The following FBXL17 variants were observed in gnomAD, a reference collection of about 807,000 sequenced individuals.
FBXL17 encodes F-box/LRR-repeat protein 17.
A neutral mutation model predicts 66.2 loss-of-function variants in FBXL17; 22 were observed. The ratio of observed to expected loss-of-function variants is 0.33; its 90% CI spans 0.24 to 0.47. The LOEUF (loss-of-function observed/expected upper bound fraction) is 0.47, where lower values mean the gene tolerates loss of function less well. Ranked by LOEUF, FBXL17 falls within the 20% of genes least tolerant of loss-of-function variation. FBXL17 has a pLI of 1.00. For missense variants in FBXL17, 878 were observed against 948.2 expected, an observed-to-expected ratio of 0.93 and a Z score of 0.97; for synonymous variants, 474 against 400.5, an observed-to-expected ratio of 1.18 and a Z score of -2.19.
intron 7 of FBXL17, among the ~76,000 whole-genome samples, chr5:107,901,867 G>A (rs1471657213): frequency 6.6e-6 from 1 of 152,182 alleles, no homozygotes; most frequent in African/African-American, 2.4e-5. Context: ...CGTGAAAGTG[G>A]GGGCTGTGGT....
At chr5:108,020,527 G>C (rs1000657157) in intron 7 of FBXL17, among the ~76,000 whole-genome samples, 4 of 151,894 alleles carry the variant, frequency 2.6e-5, no homozygotes, top group African/African-American at 9.7e-5. Context: ...TAGAATGTCA[G>C]CAGATATGCC....
intron 4 of FBXL17, among the ~76,000 whole-genome samples, chr5:108,270,269 C>T (rs1048989854): frequency 6.6e-6 from 1 of 151,804 alleles, no homozygotes; most frequent in African/African-American, 2.4e-5. Flanking sequence ...GGATACCCTA[C>T]AAAAAAGTGA....
intron 6 of FBXL17, among the ~76,000 whole-genome samples, chr5:108,038,055 G>A (rs868441123): frequency 4.6e-5 from 7 of 152,068 alleles, no homozygotes; most frequent in Admixed American, 1.3e-4. Context: ...AATTTTGCAC[G>A]ACAAATGATT....
At chr5:108,029,354 A>C (rs1354689942) in intron 6 of FBXL17, among the ~76,000 whole-genome samples, 1 of 152,144 alleles carries the variant, frequency 6.6e-6, no homozygotes, top group Non-Finnish European at 1.5e-5. Flanking sequence ...AGCTTGAGGA[A>C]GGCAGGGACC....
chr5:107,962,063 A>G (rs1274858486), intron 7 of FBXL17, among the ~76,000 whole-genome samples: 1 of 152,210 alleles, frequency 6.6e-6, no homozygotes, highest in Non-Finnish European at 1.5e-5. Context: ...TCTATTGTAT[A>G]GTTCTTTGAA....
chr5:108,100,939 G>A (rs1159575942), intron 6 of FBXL17, among the ~76,000 whole-genome samples: 1 of 152,040 alleles, frequency 6.6e-6, no homozygotes, highest in African/African-American at 2.4e-5. Context: ...AAACAAAAAA[G>A]ATCAGAACAT....
At chr5:108,006,306 T>C (rs930167502) in intron 7 of FBXL17, among the ~76,000 whole-genome samples, 4 of 152,192 alleles carry the variant, frequency 2.6e-5, no homozygotes, top group African/African-American at 9.6e-5. Flanking sequence ...AGAAGACAAA[T>C]AGCGGATACA....
intron 5 of FBXL17, among the ~76,000 whole-genome samples, chr5:108,220,825 G>A (rs145437732): frequency 2.0e-5 from 3 of 152,100 alleles, no homozygotes; most frequent in African/African-American, 7.2e-5. Context: ...AAGTGGGAGA[G>A]AGAGCAAGAT....
At chr5:108,370,760 AT>A (rs1423945453) in intron 1 of FBXL17, among the ~76,000 whole-genome samples, 2 of 151,876 alleles carry the variant, frequency 1.3e-5, no homozygotes, top group Non-Finnish European at 2.9e-5. Flanking sequence ...AAAAAAAAAA[AT>A]CATGAAAGTC....
At chr5:108,091,269 C>A (rs1231428067) in intron 6 of FBXL17, among the ~76,000 whole-genome samples, 6 of 152,208 alleles carry the variant, frequency 3.9e-5, no homozygotes, top group African/African-American at 1.4e-4. Flanking sequence ...ATACCAACAA[C>A]AGTATTTAAC....
rs1748124287 is a variant in FBXL17, at chr5:107,861,640, T to G, written c.*80A>C. On this transcript the variant is annotated 3_prime_UTR_variant, in exon 9 of 9. Coordinates refer to ENST00000542267, the MANE Select transcript of FBXL17 (RefSeq NM_001163315.3). The stretch of plus-strand genomic sequence containing the variant: ...ACAGACAGGTGACAGTTAAAACCCT[T>G]CCGAGAGATCAGCTCCCCAAATGTA... 1.5e-6 allele frequency: 2 copies of G among 1,347,250 alleles called. No homozygotes were observed. Among genetic ancestry groups the G allele is most frequent in the Non-Finnish European group, 2.0e-6 (2 of 1,023,048 alleles). The allele number at this position is 1,347,250 out of a possible 1,614,324, so 83.5% of individuals were successfully genotyped here. A position where few individuals can be genotyped will look rare whatever the true frequency, so the allele number is the denominator to read the frequency against.
At chr5:108,070,046 T>G (rs575997536) in intron 6 of FBXL17, among the ~76,000 whole-genome samples, 1 of 152,338 alleles carries the variant, frequency 6.6e-6, no homozygotes, top group East Asian at 1.9e-4. Flanking sequence ...TATTTCAAAT[T>G]AAAATAATAT....
chr5:108,381,686 GC>G lies in FBXL17; in HGVS notation c.5del (p.Gly2AlafsTer356). The G allele has an allele frequency of 6.8e-7, 1 of 1,471,128 alleles. No individual in the cohort carries two copies. Among genetic ancestry groups the G allele is most frequent in the Admixed American group, 2.4e-5 (1 of 41,758 alleles). The allele number at this position is 1,471,128 out of a possible 1,614,324, so 91.1% of individuals were successfully genotyped here. A position where few individuals can be genotyped will look rare whatever the true frequency, so the allele number is the denominator to read the frequency against. M[G>X]HLLSKEPRNR... The stretch of plus-strand genomic sequence containing the variant: ...TACGCGGCTCCTTCGAGAGAAGGTG[GC>G]CCATATAGAAGGCCCCGAGGAGGGG... On this transcript the variant is annotated frameshift_variant, in exon 1 of 9. Transcript: ENST00000542267. LOFTEE classifies it high-confidence loss of function.
At chr5:108,054,671 A>G (rs142251578) in intron 6 of FBXL17, among the ~76,000 whole-genome samples, 19 of 152,276 alleles carry the variant, frequency 1.2e-4, no homozygotes, top group African/African-American at 4.6e-4. Flanking sequence ...TTATTATCTA[A>G]AAGATTTTTC....
At chr5:108,291,362 C>A (rs1026377577) in intron 4 of FBXL17, among the ~76,000 whole-genome samples, 1 of 152,296 alleles carries the variant, frequency 6.6e-6, no homozygotes, top group East Asian at 1.9e-4. Flanking sequence ...ACAGCCAGGT[C>A]ATCACGTGCT....
intron 6 of FBXL17, among the ~76,000 whole-genome samples, chr5:108,035,683 T>C (rs573928902): frequency 6.6e-6 from 1 of 152,262 alleles, no homozygotes; most frequent in South Asian, 2.1e-4. Context: ...GGAAGAATTT[T>C]TACATGGCCA....
chr5:108,216,102 T>G (rs1754588984), intron 5 of FBXL17, among the ~76,000 whole-genome samples: 1 of 152,198 alleles, frequency 6.6e-6, no homozygotes, highest in African/African-American at 2.4e-5. Flanking sequence ...TATAGCTCTG[T>G]AGTAAGTTTT....
chr5:108,009,939 G>A (rs1450511949), intron 7 of FBXL17, among the ~76,000 whole-genome samples: 1 of 152,146 alleles, frequency 6.6e-6, no homozygotes, highest in African/African-American at 2.4e-5. Flanking sequence ...TCTACCTCGA[G>A]AATAGTGTCC....
chr5:107,958,716 C>G (rs578143797), intron 7 of FBXL17, among the ~76,000 whole-genome samples: 1 of 152,288 alleles, frequency 6.6e-6, no homozygotes, highest in South Asian at 2.1e-4. Flanking sequence ...CAGTCCCTGC[C>G]TTTTCCCAGA....
Sources: gnomAD v4.1 joint callset for allele counts (sites outside exome capture counted in the v4.1 genomes callset) on GRCh38, gnomAD v4.1.1 for gene constraint, MANE v1.5 for transcripts, NCBI Gene and HGNC (gene_info 2026-07-23, HGNC 2026-07-21) for gene names.